The following NBEA variants were observed in gnomAD, a reference collection of about 807,000 sequenced individuals.
The protein encoded by NBEA is neurobeachin.
NBEA carries 44 observed loss-of-function variants against 343.4 expected under a neutral mutation model. The observed-to-expected ratio is 0.13, with a 90% CI of 0.10 to 0.16. The LOEUF is 0.16. Ranked by LOEUF, NBEA falls within the 10% of genes least tolerant of loss-of-function variation. The probability of loss-of-function intolerance (pLI) is 1.00; values close to 1 mark genes in which losing one functional copy is unlikely to be tolerated. For synonymous variants in NBEA, 1,175 were observed against 1,238.7 expected (o/e 0.95, Z 1.08); for missense variants, 2,555 against 3,631.3 (o/e 0.70, Z 7.62).
intron 47 of NBEA, among the ~76,000 whole-genome samples, chr13:35,603,198 C>G (rs2082134194): frequency 6.6e-6 from 1 of 152,100 alleles, no homozygotes; most frequent in Admixed American, 6.6e-5. Context: ...TCTGTGTATT[C>G]CCCAGATTTC....
At chr13:35,567,110 A>C (rs2080173271) in intron 45 of NBEA, 93 bp downstream of exon 45, 1 of 600,306 alleles carries the variant, frequency 1.7e-6, no homozygotes, top group Non-Finnish European at 2.9e-6. Flanking sequence ...TAATGTTTGT[A>C]AGAAGGTGAA....
At chr13:35,190,312 A>G (rs910734153) in intron 30 of NBEA, among the ~76,000 whole-genome samples, 1 of 152,152 alleles carries the variant, frequency 6.6e-6, no homozygotes, top group Admixed American at 6.5e-5. Context: ...TGTGAGAATG[A>G]GATATCCATA....
intron 41 of NBEA, among the ~76,000 whole-genome samples, chr13:35,502,542 A>G (rs1185171296): frequency 6.9e-6 from 1 of 144,822 alleles, no homozygotes; most frequent in Non-Finnish European, 1.5e-5. Context: ...TTTTTCCATG[A>G]TTTATCTGCT....
At chr13:35,017,939 A>G (rs1485552517) in intron 1 of NBEA, among the ~76,000 whole-genome samples, 3 of 152,128 alleles carry the variant, frequency 2.0e-5, no homozygotes, top group Admixed American at 1.3e-4. Flanking sequence ...ATAAAAGTTC[A>G]TGTGGCTGTG....
chr13:35,522,661 A>G (rs1354915060), intron 41 of NBEA, among the ~76,000 whole-genome samples: 1 of 151,908 alleles, frequency 6.6e-6, no homozygotes, highest in Non-Finnish European at 1.5e-5. Context: ...GGAGGTGAGC[A>G]GCAGGCAAGG....
chr13:35,458,416 T>G (rs2046703333), intron 40 of NBEA, among the ~76,000 whole-genome samples: 1 of 152,206 alleles, frequency 6.6e-6, no homozygotes, highest in South Asian at 2.1e-4. Flanking sequence ...CCTAACGCAA[T>G]TATTTGCCCT....
At chr13:35,136,855 C>A (rs985143557) in intron 17 of NBEA, among the ~76,000 whole-genome samples, 2 of 152,106 alleles carry the variant, frequency 1.3e-5, no homozygotes, top group Admixed American at 1.3e-4. Context: ...AAAAGAAAAA[C>A]CACAAATGGT....
At chr13:35,039,357 G>A (rs1295012906) in intron 1 of NBEA, among the ~76,000 whole-genome samples, 3 of 152,158 alleles carry the variant, frequency 2.0e-5, no homozygotes, top group African/African-American at 7.2e-5. Context: ...TTATGAAGAA[G>A]CTTTTTTCTG....
intron 45 of NBEA, among the ~76,000 whole-genome samples, chr13:35,574,605 G>A (rs77996565): frequency 0.15 from 22,036 of 151,962 alleles, 1,751 homozygotes; most frequent in East Asian, 0.28. Context: ...AGTGCCTAAA[G>A]CTGGATGTGG....
chr13:35,033,028 G>A (rs754575819), intron 1 of NBEA, among the ~76,000 whole-genome samples: 1 of 151,600 alleles, frequency 6.6e-6, no homozygotes, highest in Non-Finnish European at 1.5e-5. Context: ...ATTTGTTCAT[G>A]TTTGCTTTGG....
chr13:35,648,745 C>T (rs1310335244), intron 51 of NBEA, among the ~76,000 whole-genome samples: 3 of 151,996 alleles, frequency 2.0e-5, no homozygotes, highest in African/African-American at 7.3e-5. Context: ...GTAGGACTTA[C>T]AGTATCTACT....
chr13:35,319,794 G>C (rs1051950522), intron 36 of NBEA, among the ~76,000 whole-genome samples: 1 of 152,020 alleles, frequency 6.6e-6, no homozygotes, highest in Non-Finnish European at 1.5e-5. Context: ...GTGCATATAT[G>C]TTTAGGATAG....
At chr13:35,027,325 C>T (rs2062049176) in intron 1 of NBEA, among the ~76,000 whole-genome samples, 1 of 151,630 alleles carries the variant, frequency 6.6e-6, no homozygotes, top group Non-Finnish European at 1.5e-5. Context: ...TACTGCCAAA[C>T]TATTTTCAGA....
chr13:35,081,293 G>T (rs2064381084), intron 10 of NBEA, among the ~76,000 whole-genome samples: 1 of 152,044 alleles, frequency 6.6e-6, no homozygotes, highest in African/African-American at 2.4e-5. Flanking sequence ...GGCATTTTCT[G>T]TATTTGTGGT....
chr13:35,462,923 G>A (rs1449464908), intron 40 of NBEA, among the ~76,000 whole-genome samples: 2 of 152,296 alleles, frequency 1.3e-5, no homozygotes, highest in African/African-American at 4.8e-5. Context: ...GCAGATGCAA[G>A]GTCTTCTGTG....
intron 57 of NBEA, among the ~76,000 whole-genome samples, chr13:35,667,788 G>A (rs1234426465): frequency 1.3e-5 from 2 of 152,138 alleles, no homozygotes; most frequent in Non-Finnish European, 2.9e-5. Flanking sequence ...AGAAATGATA[G>A]CTGTTGTTTG....
chr13:35,482,835 C>G (rs537335871), intron 41 of NBEA, among the ~76,000 whole-genome samples: 1 of 151,774 alleles, frequency 6.6e-6, no homozygotes, highest in Admixed American at 6.6e-5. Context: ...CATAGAAGCT[C>G]TACCACACAT....
At chr13:35,480,047 G>A (rs1420386110) in intron 41 of NBEA, among the ~76,000 whole-genome samples, 6 of 103,726 alleles carry the variant, frequency 5.8e-5, no homozygotes, top group African/African-American at 2.1e-4. Context: ...GATTTAAAAT[G>A]TACCAGTTAG....
chr13:35,035,239 A>AT (rs966880010), intron 1 of NBEA, among the ~76,000 whole-genome samples: 9 of 151,758 alleles, frequency 5.9e-5, no homozygotes, highest in Admixed American at 2.0e-4. Context: ...TTTGAAGAAA[A>AT]TTTTCAATTT....
Sources: allele counts gnomAD v4.1 joint callset (sites outside exome capture counted in the v4.1 genomes callset), GRCh38; gene constraint gnomAD v4.1.1; transcripts MANE v1.5; gene names NCBI Gene and HGNC (gene_info 2026-07-23, HGNC 2026-07-21).